Variants in GPR160 observed in about 807,000 individuals in gnomAD.
The protein encoded by GPR160 is G protein-coupled receptor 160, also known as probable G protein-coupled receptor 160.
Under a neutral mutation model 2.6 loss-of-function variants are expected in GPR160, and 2 were observed. That is an observed-to-expected ratio of 0.77 (90% CI 0.32 to 2.44). GPR160 has a LOEUF of 2.44. Among genes scored for constraint, GPR160 ranks in the 30% most tolerant of loss-of-function variants. The probability of loss-of-function intolerance (pLI) is 0.11; values close to 1 mark genes in which losing one functional copy is unlikely to be tolerated. For synonymous variants in GPR160, 130 were observed against 132.2 expected (o/e 0.98, Z 0.12); for missense variants, 351 against 383.6 (o/e 0.91, Z 0.71).
intron 2 of GPR160, among the ~76,000 whole-genome samples, chr3:170,048,412 T>TA (rs1387674496): frequency 6.6e-6 from 1 of 152,190 alleles, no homozygotes; most frequent in African/African-American, 2.4e-5. Context: ...CTAAAGCTAT[T>TA]AAAAAATTTT....
At chr3:170,039,882 C>T (rs1422802875) in intron 2 of GPR160, among the ~76,000 whole-genome samples, 1 of 152,078 alleles carries the variant, frequency 6.6e-6, no homozygotes, top group Non-Finnish European at 1.5e-5. Flanking sequence ...TTGGGATTTG[C>T]TTCAGAATTA....
At position 170,084,721 on chromosome 3, in the gene GPR160, G is replaced by T. The variant is rs769057032; in HGVS notation, c.749G>T (p.Ser250Ile). 1 of 1,612,234 alleles carries T rather than the reference G, an allele frequency of 6.2e-7. No individual in the cohort carries two copies. Among genetic ancestry groups the T allele is most frequent in the South Asian group, 1.1e-5 (1 of 91,054 alleles). The change falls in exon 4 of 4, where the codon AGT (serine) becomes ATT (isoleucine). Residue 250 changes from serine (S) to isoleucine (I), a missense_variant. Physicochemically the swap from Ser to Ile is moderately radical, Grantham distance 142 (BLOSUM62 -2). Transcript: ENST00000355897. The part of the protein sequence containing the change: ...FLSKLIVCFL[S>I]TWLPFVLLQV... ...TCCAAGCTCATTGTCTGTTTTCTCA[G>T]TACCTGGTTACCATTTGTACTACTT... is the stretch of plus-strand genomic sequence containing the variant.
chr3:170,043,324 G>C (rs527284681), intron 2 of GPR160, among the ~76,000 whole-genome samples: 1 of 152,258 alleles, frequency 6.6e-6, no homozygotes, highest in South Asian at 2.1e-4. Flanking sequence ...TGGGATTACA[G>C]GTGCCAGACA....
At position 170,084,794 on chromosome 3, in the gene GPR160, G is replaced by A; in HGVS notation, c.822G>A (p.Glu274=). ...AAGTTCAGATTCCAGCATATATTGA[G>A]ATGAATATTCCCTGGTTATACTTTG... ...LLKVQIPAYI[E]MNIPWLYFVN... The change falls in exon 4 of 4, where the codon GAG becomes GAA. Residue 274 remains glutamate (E), a synonymous_variant. Transcript: ENST00000355897. The A allele has an allele frequency of 1.2e-6, 2 of 1,603,798 alleles. No individual in the cohort carries two copies. The highest frequency in any genetic ancestry group is 2.2e-5 in the South Asian group (2 of 90,684).
intron 2 of GPR160, among the ~76,000 whole-genome samples, chr3:170,039,633 C>T (rs910658492): frequency 6.6e-6 from 1 of 152,174 alleles, no homozygotes. Context: ...CGCTTGAACC[C>T]GGGAGGCGGA....
chr3:170,046,157 G>C (rs903076339), intron 2 of GPR160, among the ~76,000 whole-genome samples: 1 of 152,200 alleles, frequency 6.6e-6, no homozygotes, highest in African/African-American at 2.4e-5. Context: ...ACCTCTGTTC[G>C]TGGAGTGAGC....
At chr3:170,076,864 A>G (rs1158152335) in intron 2 of GPR160, among the ~76,000 whole-genome samples, 1 of 152,134 alleles carries the variant, frequency 6.6e-6, no homozygotes, top group East Asian at 1.9e-4. Flanking sequence ...GCTCTTTCAC[A>G]TACATACATT....
intron 2 of GPR160, among the ~76,000 whole-genome samples, chr3:170,053,179 C>T (rs1336732813): frequency 1.3e-5 from 2 of 151,958 alleles, no homozygotes; most frequent in Non-Finnish European, 2.9e-5. Context: ...AAGAAAAAGG[C>T]CTGGTTGGAT....
At chr3:170,047,328 G>A (rs1576889249) in intron 2 of GPR160, among the ~76,000 whole-genome samples, 1 of 152,124 alleles carries the variant, frequency 6.6e-6, no homozygotes, top group Non-Finnish European at 1.5e-5. Flanking sequence ...ACTTTCCATT[G>A]CTGCCCTTGC....
chr3:170,076,765 A>C (rs1318894905), intron 2 of GPR160, among the ~76,000 whole-genome samples: 2 of 152,152 alleles, frequency 1.3e-5, no homozygotes, highest in Non-Finnish European at 2.9e-5. Context: ...GCTGGTCTTG[A>C]ACTCCTGGCC....
At chr3:170,078,387 A>G (rs1712969760) in intron 2 of GPR160, among the ~76,000 whole-genome samples, 1 of 152,104 alleles carries the variant, frequency 6.6e-6, no homozygotes, top group Non-Finnish European at 1.5e-5. Flanking sequence ...CCCTCCCCCA[A>G]TAAACTGGAA....
At chr3:170,046,602 A>G (rs1716730044) in intron 2 of GPR160, among the ~76,000 whole-genome samples, 1 of 152,196 alleles carries the variant, frequency 6.6e-6, no homozygotes, top group Non-Finnish European at 1.5e-5. Flanking sequence ...ACAATGCCTG[A>G]CTTGCCCCTT....
chr3:170,079,449 A>C (rs1274305292), intron 2 of GPR160, among the ~76,000 whole-genome samples: 1 of 152,228 alleles, frequency 6.6e-6, no homozygotes, highest in African/African-American at 2.4e-5. Flanking sequence ...TGATGTTAAC[A>C]TGCATCAAGG....
At chr3:170,060,000 A>C (rs1483117997) in intron 2 of GPR160, among the ~76,000 whole-genome samples, 2 of 152,160 alleles carry the variant, frequency 1.3e-5, no homozygotes, top group Non-Finnish European at 2.9e-5. Flanking sequence ...GTAGCTTTGC[A>C]TTGGAGGTAT....
At chr3:170,058,032 G>A (rs1019315073) in intron 2 of GPR160, 3 of 152,202 alleles carry the variant, frequency 2.0e-5, no homozygotes, top group African/African-American at 7.2e-5. Context: ...TGACAATAAA[G>A]TAAGTATGTT....
intron 2 of GPR160, among the ~76,000 whole-genome samples, chr3:170,066,267 A>AGCCT (rs1712337896): frequency 6.7e-6 from 1 of 148,314 alleles, no homozygotes; most frequent in South Asian, 2.1e-4. Context: ...CAGCCTCCCG[A>AGCCT]GTAGCTGGGA....
intron 2 of GPR160, among the ~76,000 whole-genome samples, chr3:170,079,000 A>C (rs1203022159): frequency 1.3e-5 from 2 of 152,010 alleles, no homozygotes; most frequent in Non-Finnish European, 2.9e-5. Context: ...ATTTATCTTA[A>C]ATAGGCTTGT....
chr3:170,060,837 A>G (rs7635670), intron 2 of GPR160, among the ~76,000 whole-genome samples: 70,512 of 152,022 alleles, frequency 0.46, 16,730 homozygotes, highest in East Asian at 0.69. Context: ...GTGACCTAAC[A>G]TCACATGACC....
chr3:170,044,322 C>G (rs1256938018), intron 2 of GPR160, among the ~76,000 whole-genome samples: 1 of 1,086 alleles, frequency 9.2e-4, no homozygotes, highest in Non-Finnish European at 1.6e-3. Flanking sequence ...GAAACTCCAT[C>G]TCAAAAAAAA....
Sources: allele counts gnomAD v4.1 joint callset (sites outside exome capture counted in the v4.1 genomes callset), GRCh38; gene constraint gnomAD v4.1.1; transcripts MANE v1.5; gene names NCBI Gene and HGNC (gene_info 2026-07-23, HGNC 2026-07-21).